PGM5: variants seen among roughly 807,000 people sequenced by gnomAD.
The protein encoded by PGM5 is phosphoglucomutase 5, also known as phosphoglucomutase-like protein 5.
PGM5 carries 23 observed loss-of-function variants against 59.2 expected under a neutral mutation model. That is an observed-to-expected ratio of 0.39 (90% CI 0.28 to 0.55). The LOEUF is 0.55. PGM5 is among the 20% of genes least tolerant of loss of function. The pLI is 0.66. For missense variants in PGM5, 574 were observed against 748.3 expected, an observed-to-expected ratio of 0.77 and a Z score of 2.72; for synonymous variants, 214 against 286.0, an observed-to-expected ratio of 0.75 and a Z score of 2.54.
intron 10 of PGM5, among the ~76,000 whole-genome samples, chr9:68,503,513 G>A (rs1824610138): frequency 6.6e-6 from 1 of 152,192 alleles, no homozygotes; most frequent in Non-Finnish European, 1.5e-5. Context: ...AAATCATTAA[G>A]TCGATCCAGC....
chr9:68,377,937 A>G (rs1402767133), intron 1 of PGM5, among the ~76,000 whole-genome samples: 2 of 152,214 alleles, frequency 1.3e-5, no homozygotes, highest in Non-Finnish European at 2.9e-5. Flanking sequence ...CAGATGTTTC[A>G]AACTACTGAA....
At chr9:68,446,051 A>G (rs1823606233) in intron 6 of PGM5, among the ~76,000 whole-genome samples, 1 of 152,234 alleles carries the variant, frequency 6.6e-6, no homozygotes, top group South Asian at 2.1e-4. Context: ...TGTAGCATGG[A>G]TGCCAAGAGT....
At chr9:68,488,281 G>A (rs1024042628) in intron 9 of PGM5, among the ~76,000 whole-genome samples, 7 of 152,090 alleles carry the variant, frequency 4.6e-5, no homozygotes, top group East Asian at 1.9e-4. Context: ...TTTAGAAAGC[G>A]AAAGGTTTTT....
intron 6 of PGM5, among the ~76,000 whole-genome samples, chr9:68,436,152 T>C (rs1320013270): frequency 2.0e-5 from 3 of 152,204 alleles, no homozygotes; most frequent in African/African-American, 7.2e-5. Flanking sequence ...GACTTCACCC[T>C]TGAGCCATAA....
chr9:68,391,251 G>C (rs546288587), intron 4 of PGM5, among the ~76,000 whole-genome samples: 188 of 152,002 alleles, frequency 1.2e-3, no homozygotes, highest in African/African-American at 4.4e-3. Flanking sequence ...TTATGTAGCT[G>C]ATTTCTTTCT....
intron 6 of PGM5, among the ~76,000 whole-genome samples, chr9:68,456,306 T>C (rs1268338775): frequency 6.6e-6 from 1 of 151,600 alleles, no homozygotes; most frequent in Non-Finnish European, 1.5e-5. Flanking sequence ...TTCTTTTTTT[T>C]TGGGGGTGGG....
In PGM5 at chr9:68,465,113, T is replaced by A; in HGVS notation, c.1064T>A (p.Val355Asp). Residue 355 changes from valine (V) to aspartate (D), a missense_variant, in exon 7 of 11, where the codon GTC (valine) becomes GAC (aspartate). By Grantham distance (152) the Val-to-Asp change is radical (BLOSUM62 -3). Around this residue, in one of 7 missense-constraint regions of PGM5, gnomAD observed 300 missense variants for 280.0 expected, o/e 1.07. Coordinates refer to ENST00000396396, the MANE Select transcript of PGM5 (RefSeq NM_021965.4). ...ALDRVAKSMK[V>D]PVYETPAGWR... ...TTCAGAGTGGCCAAATCAATGAAGG[T>A]CCCTGTATATGAGACCCCAGCTGGA... The A allele has an allele frequency of 2.5e-6, 4 of 1,586,454 alleles. No individual in the cohort carries two copies. The highest frequency in any genetic ancestry group is 3.5e-6 in the Non-Finnish European group (4 of 1,155,456).
At chr9:68,427,218 A>G (rs1395705563) in intron 6 of PGM5, among the ~76,000 whole-genome samples, 1 of 152,168 alleles carries the variant, frequency 6.6e-6, no homozygotes, top group Non-Finnish European at 1.5e-5. Flanking sequence ...AGTGGAGTTG[A>G]CCTTGGCCCA....
intron 7 of PGM5, among the ~76,000 whole-genome samples, chr9:68,474,379 T>C (rs550042688): frequency 1.3e-5 from 2 of 152,202 alleles, no homozygotes; most frequent in Non-Finnish European, 2.9e-5. Context: ...AGCTGATGTG[T>C]CCATACTGGT....
chr9:68,370,179 A>T (rs1455002653), intron 1 of PGM5, among the ~76,000 whole-genome samples: 2 of 152,308 alleles, frequency 1.3e-5, no homozygotes, highest in African/African-American at 4.8e-5. Flanking sequence ...GTTTCTGTTC[A>T]TTGTGTCTTC....
At chr9:68,516,859 T>A (rs903969528) in intron 10 of PGM5, among the ~76,000 whole-genome samples, 1 of 152,038 alleles carries the variant, frequency 6.6e-6, no homozygotes, top group Admixed American at 6.6e-5. Flanking sequence ...TCTGTTTTTT[T>A]GTTTTGTTTT....
At chr9:68,407,666 C>T (rs1822847751) in intron 6 of PGM5, among the ~76,000 whole-genome samples, 1 of 152,212 alleles carries the variant, frequency 6.6e-6, no homozygotes. Flanking sequence ...TTTATCCCTA[C>T]CACTACTTCT....
chr9:68,521,931 G>T lies in PGM5; in HGVS notation c.1615-7636G>T, dbSNP rs534907327. Among the ~76,000 whole-genome samples, 127 of 152,276 alleles carry T rather than the reference G, an allele frequency of 8.3e-4. 3 individuals are homozygous for T. The South Asian group carries it at 0.026, about 31-fold the overall frequency. ...TCTCTCCCCTTCTCCATCCACACAG[G>T]GCATGGAGCCAATTAGAGCTCACAT... On this transcript the variant is annotated intron_variant, in intron 10 of 10. Transcript: ENST00000396396.
chr9:68,450,669 A>G (rs1284977411), intron 6 of PGM5, among the ~76,000 whole-genome samples: 8 of 152,240 alleles, frequency 5.3e-5, no homozygotes, highest in African/African-American at 1.7e-4. Context: ...TGAGGGGGGA[A>G]AAATCCACTG....
intron 2 of PGM5, among the ~76,000 whole-genome samples, chr9:68,381,312 G>C (rs373390): frequency 1 from 151,847 of 151,888 alleles, 75,903 homozygotes; most frequent in Non-Finnish European, 1. Context: ...AGGCATTTTA[G>C]AAAGTTCAGC....
chr9:68,513,480 G>A (rs1554689529), intron 10 of PGM5, among the ~76,000 whole-genome samples: 1 of 152,200 alleles, frequency 6.6e-6, no homozygotes. Context: ...AAAAAGAAAA[G>A]TATGAATATG....
intron 1 of PGM5, among the ~76,000 whole-genome samples, chr9:68,368,976 G>T: frequency 6.6e-6 from 1 of 152,270 alleles, no homozygotes; most frequent in African/African-American, 2.4e-5. Flanking sequence ...TACAGTGTGG[G>T]TTTAGTCCTC....
rs1824350250 is a variant in PGM5 at position 68,489,412 on chromosome 9, A to G, written c.1479+5364A>G. 5.9e-5 allele frequency among the ~76,000 whole-genome samples: 9 copies of G among 151,688 alleles called. 1 individual carries two copies. The South Asian group carries it at 1.9e-3, about 32-fold the overall frequency. ...GCAACTGAGTCTCTTTTTATGACTCATCCTAATCCTATGTTGTTGTTGTTG... is the reference window on the plus strand; with the variant it reads ...GCAACTGAGTCTCTTTTTATGACTCGTCCTAATCCTATGTTGTTGTTGTTG... On this transcript the variant is annotated intron_variant, in intron 9 of 10. Transcript: ENST00000396396.
chr9:68,372,399 C>G (rs1304770759), intron 1 of PGM5, among the ~76,000 whole-genome samples: 1 of 151,942 alleles, frequency 6.6e-6, no homozygotes, highest in Non-Finnish European at 1.5e-5. Context: ...CTAGTAAGGA[C>G]AAAGTGCTGC....
Sources: allele counts gnomAD v4.1 joint callset (sites outside exome capture counted in the v4.1 genomes callset), GRCh38; gene constraint gnomAD v4.1.1; regional missense constraint gnomAD v4.1.1; transcripts MANE v1.5; gene names NCBI Gene and HGNC (gene_info 2026-07-23, HGNC 2026-07-21).